The following INPP4B variants were observed in gnomAD, a reference collection of about 807,000 sequenced individuals.
The protein encoded by INPP4B is inositol polyphosphate-4-phosphatase type II B, also known as inositol polyphosphate 4-phosphatase type II.
Under a neutral mutation model 122.5 loss-of-function variants are expected in INPP4B, and 55 were observed. The ratio of observed to expected loss-of-function variants is 0.45; its 90% CI spans 0.36 to 0.56. INPP4B has a LOEUF of 0.56. INPP4B is among the 20% of genes least tolerant of loss of function. The probability of loss-of-function intolerance (pLI) is 0.00; values close to 1 mark genes in which losing one functional copy is unlikely to be tolerated. For synonymous variants in INPP4B, 403 were observed against 388.7 expected, an observed-to-expected ratio of 1.04 and a Z score of -0.43; for missense variants, 1,000 against 1,097.7, an observed-to-expected ratio of 0.91 and a Z score of 1.26.
At chr4:142,080,693 A>T (rs1397738) in intron 25 of INPP4B, among the ~76,000 whole-genome samples, 134,109 of 151,820 alleles carry the variant, frequency 0.88, 60,933 homozygotes, top group Non-Finnish European at 0.98. Flanking sequence ...CCCCTCTTCT[A>T]TCTTAAATAA....
rs576466217 is a variant in INPP4B, at chr4:142,092,435, C to T, written c.2375-6179G>A. 1.2e-4 allele frequency among the ~76,000 whole-genome samples: 18 copies of T among 152,200 alleles called. No individual in the cohort carries two copies. In the East Asian group the frequency reaches 3.5e-3, roughly 29 times the overall value. On this transcript the variant is annotated intron_variant, in intron 23 of 25. Transcript: ENST00000262992. ...CCTCCCAAGTAGCTGGGATTACAGG[C>T]ACCCGCCATCATGCCTGGCTAATTT...
intron 9 of INPP4B, among the ~76,000 whole-genome samples, chr4:142,302,332 C>T (rs1331844988): frequency 6.6e-6 from 1 of 152,126 alleles, no homozygotes; most frequent in Non-Finnish European, 1.5e-5. Context: ...GGCCTGAGTC[C>T]TTGCTTTGCT....
At chr4:142,323,710 G>T (rs1481072947) in intron 7 of INPP4B, among the ~76,000 whole-genome samples, 1 of 151,494 alleles carries the variant, frequency 6.6e-6, no homozygotes. Flanking sequence ...CTCCCAAAGT[G>T]CAGGGATTAC....
intron 21 of INPP4B, among the ~76,000 whole-genome samples, chr4:142,112,965 C>G (rs371070958): frequency 2.6e-5 from 4 of 151,986 alleles, no homozygotes; most frequent in African/African-American, 9.7e-5. Flanking sequence ...GCATTGATAG[C>G]CTCAATTTTT....
chr4:142,093,232 A>AT (rs1170939032), intron 23 of INPP4B, among the ~76,000 whole-genome samples: 1 of 152,156 alleles, frequency 6.6e-6, no homozygotes, highest in East Asian at 1.9e-4. Flanking sequence ...AGGTGCCAGA[A>AT]TGTGAGTACA....
rs193220022 is a variant in INPP4B at position 142,773,368 on chromosome 4, G to T, written c.-253-47467C>A. The stretch of plus-strand genomic sequence containing the variant: ...GCCAACAATTACAGAGCTTATAAAT[G>T]ACAGATTTTCTACTTACCATGTACT... On this transcript the variant is annotated intron_variant, in intron 1 of 25. Transcript: ENST00000262992. 5.6e-3 allele frequency among the ~76,000 whole-genome samples: 845 copies of T among 152,214 alleles called. 13 individuals carry two copies. Among genetic ancestry groups the T allele is most frequent in the African/African-American group, 0.018 (743 of 41,530 alleles).
At chr4:142,085,144 A>G (rs1194539374) in intron 24 of INPP4B, among the ~76,000 whole-genome samples, 1 of 152,234 alleles carries the variant, frequency 6.6e-6, no homozygotes, top group Non-Finnish European at 1.5e-5. Context: ...AGGAAGGGAA[A>G]CTAAAGAAGC....
At position 142,591,648 on chromosome 4, in the gene INPP4B, T is replaced by C. The variant is rs138272878; in HGVS notation, c.-190-128922A>G. 3.6e-3 allele frequency among the ~76,000 whole-genome samples: 551 copies of C among 152,222 alleles called. 7 individuals carry two copies. Among genetic ancestry groups the C allele is most frequent in the East Asian group, 0.018 (95 of 5,166 alleles). On this transcript the variant is annotated intron_variant, in intron 2 of 25. Transcript: ENST00000262992. ...GAAGAAAAAAAAGAGTAAATTTACATGGGAGGTCCTGACAAACACTGTCTT... is the reference window on the plus strand; with the variant it reads ...GAAGAAAAAAAAGAGTAAATTTACACGGGAGGTCCTGACAAACACTGTCTT...
intron 2 of INPP4B, among the ~76,000 whole-genome samples, chr4:142,725,333 G>A (rs1765206273): frequency 6.6e-6 from 1 of 152,050 alleles, no homozygotes; most frequent in South Asian, 2.1e-4. Flanking sequence ...AAGAAAATAT[G>A]TATTTTGCAT....
chr4:142,820,748 T>A (rs1780701865), intron 1 of INPP4B, among the ~76,000 whole-genome samples: 1 of 152,148 alleles, frequency 6.6e-6, no homozygotes, highest in Non-Finnish European at 1.5e-5. Context: ...AAAATAGGAA[T>A]GCTTTATTCA....
intron 1 of INPP4B, among the ~76,000 whole-genome samples, chr4:142,727,114 T>A (rs1156920413): frequency 1.3e-5 from 2 of 152,164 alleles, no homozygotes; most frequent in East Asian, 3.8e-4. Context: ...TTAATTAGAC[T>A]CTGTGATGAT....
intron 25 of INPP4B, chr4:142,029,822 G>C (rs529461756): frequency 9.6e-7 from 1 of 1,045,150 alleles, no homozygotes; most frequent in African/African-American, 1.7e-5. Context: ...AGTGGGATGA[G>C]GACAGGAGGT....
chr4:142,572,229 G>A (rs1732990489), intron 2 of INPP4B, among the ~76,000 whole-genome samples: 1 of 152,134 alleles, frequency 6.6e-6, no homozygotes, highest in Non-Finnish European at 1.5e-5. Flanking sequence ...AACAGCTAAA[G>A]TGCAAGGATA....
At chr4:142,309,081 C>T (rs1764474151) in intron 8 of INPP4B, among the ~76,000 whole-genome samples, 1 of 151,974 alleles carries the variant, frequency 6.6e-6, no homozygotes, top group South Asian at 2.1e-4. Flanking sequence ...ATAGTTATTG[C>T]TATGAGAAAA....
At chr4:142,214,056 C>T in intron 12 of INPP4B, among the ~76,000 whole-genome samples, 1 of 152,168 alleles carries the variant, frequency 6.6e-6, no homozygotes, top group Middle Eastern at 3.2e-3. Flanking sequence ...ATTTATCACT[C>T]TTATGTAACA....
chr4:142,353,164 GTGAATAGTCTACTTTCATCTTATTA>G (rs1367841349), intron 7 of INPP4B, among the ~76,000 whole-genome samples: 3 of 151,986 alleles, frequency 2.0e-5, no homozygotes, highest in African/African-American at 7.2e-5. Flanking sequence ...AGGCGCAGCT[GTGAATAGTCTACTTTCATCTTATTA>G]AAACGTCTAC....
chr4:142,673,693 G>A lies in INPP4B; in HGVS notation c.-191+52146C>T, dbSNP rs535183405. 3.3e-5 allele frequency among the ~76,000 whole-genome samples: 5 copies of A among 152,248 alleles called. No individual in the cohort carries two copies. The East Asian group carries it at 9.7e-4, about 30-fold the overall frequency. ...TCCAGTCTAGAGTGAGTGTAAACCA[G>A]AATGAACAGAAGATGAAGGACAACC... is the stretch of plus-strand genomic sequence containing the variant. On this transcript the variant is annotated intron_variant, in intron 2 of 25. Coordinates refer to ENST00000262992, the MANE Select transcript of INPP4B (RefSeq NM_001101669.3).
Position 142,185,921 on chromosome 4 carries a change from G to A in INPP4B, c.1181+7166C>T, listed in dbSNP as rs563188315. On this transcript the variant is annotated intron_variant, in intron 15 of 25. Transcript: ENST00000262992. The stretch of plus-strand genomic sequence containing the variant: ...AAAAAAGAAGTCCTCTTAACTAAGT[G>A]TAGTTATACTAAATGTAGGAATTTA... Among the ~76,000 whole-genome samples, 643 of 147,002 alleles carry A rather than the reference G, an allele frequency of 4.4e-3. 5 individuals carry two copies. Among genetic ancestry groups the A allele is most frequent in the African/African-American group, 0.015 (620 of 40,196 alleles).
At chr4:142,517,459 C>T (rs1167211422) in intron 2 of INPP4B, among the ~76,000 whole-genome samples, 1 of 152,122 alleles carries the variant, frequency 6.6e-6, no homozygotes, top group African/African-American at 2.4e-5. Flanking sequence ...AGACAGTTGG[C>T]TTCCCGGAAC....
Sources: gnomAD v4.1 joint callset for allele counts (sites outside exome capture counted in the v4.1 genomes callset) on GRCh38, gnomAD v4.1.1 for gene constraint, MANE v1.5 for transcripts, NCBI Gene and HGNC (gene_info 2026-07-23, HGNC 2026-07-21) for gene names.